Variants in STK33 observed in about 807,000 individuals in gnomAD.
The protein encoded by STK33 is serine/threonine-protein kinase 33.
A neutral mutation model predicts 58.0 loss-of-function variants in STK33; 52 were observed. That is an observed-to-expected ratio of 0.90 (90% CI 0.72 to 1.13). STK33 has a LOEUF of 1.13. STK33 is among the 50% of genes most tolerant of loss of function. The probability of loss-of-function intolerance (pLI) is 0.00; values close to 1 mark genes in which losing one functional copy is unlikely to be tolerated. For synonymous variants in STK33, 215 were observed against 200.1 expected, an observed-to-expected ratio of 1.07 and a Z score of -0.63; for missense variants, 630 against 604.2, an observed-to-expected ratio of 1.04 and a Z score of -0.45.
At chr11:8,563,251 T>C (rs907694286) in intron 1 of STK33, among the ~76,000 whole-genome samples, 18 of 152,104 alleles carry the variant, frequency 1.2e-4, no homozygotes, top group Admixed American at 7.9e-4. Context: ...AAGTTAGCTG[T>C]TGGAGTAAAC....
chr11:8,562,384 G>A (rs1044125248), intron 1 of STK33, among the ~76,000 whole-genome samples: 5 of 151,806 alleles, frequency 3.3e-5, no homozygotes, highest in African/African-American at 4.8e-5. Flanking sequence ...TTGAGATATT[G>A]CACTGGCTTC....
intron 11 of STK33, among the ~76,000 whole-genome samples, chr11:8,452,530 C>T (rs1946406581): frequency 6.6e-6 from 1 of 152,034 alleles, no homozygotes; most frequent in South Asian, 2.1e-4. Context: ...GCCTGTAATC[C>T]CAACACTTGG....
intron 11 of STK33, among the ~76,000 whole-genome samples, chr11:8,443,272 G>C (rs1944996274): frequency 6.6e-6 from 1 of 152,068 alleles, no homozygotes; most frequent in Non-Finnish European, 1.5e-5. Context: ...AGCACACACA[G>C]AAATTTTTAT....
At chr11:8,416,580 T>C (rs1295072261) in intron 14 of STK33, among the ~76,000 whole-genome samples, 1 of 152,188 alleles carries the variant, frequency 6.6e-6, no homozygotes, top group African/African-American at 2.4e-5. Flanking sequence ...TGTCCCACAC[T>C]ACTGTACAAA....
intron 1 of STK33, among the ~76,000 whole-genome samples, chr11:8,560,352 G>A (rs1012151893): frequency 2.6e-5 from 4 of 151,930 alleles, no homozygotes; most frequent in African/African-American, 7.2e-5. Context: ...TTATAAATGA[G>A]GCTAAGTATT....
intron 1 of STK33, among the ~76,000 whole-genome samples, chr11:8,566,765 T>C (rs1042172197): frequency 4.6e-5 from 7 of 152,216 alleles, no homozygotes; most frequent in African/African-American, 9.6e-5. Flanking sequence ...GCAGCAAATA[T>C]TTATATTGCC....
At chr11:8,427,915 T>C (rs1942964310) in intron 14 of STK33, among the ~76,000 whole-genome samples, 1 of 152,242 alleles carries the variant, frequency 6.6e-6, no homozygotes, top group African/African-American at 2.4e-5. Context: ...TGTTTGAAAC[T>C]TGGCCCCTAA....
At chr11:8,462,354 T>C (rs1341888446) in intron 7 of STK33, among the ~76,000 whole-genome samples, 1 of 151,330 alleles carries the variant, frequency 6.6e-6, no homozygotes, top group Non-Finnish European at 1.5e-5. Flanking sequence ...AAAAAGTTTT[T>C]CTTTGTTTTG....
chr11:8,379,042 G>T, the STK33 span, among the ~76,000 whole-genome samples: 8 of 152,126 alleles, frequency 5.3e-5, no homozygotes, highest in Non-Finnish European at 8.8e-5. Flanking sequence ...ATAAATTGGG[G>T]AAAGGAGACC....
intron 1 of STK33, among the ~76,000 whole-genome samples, chr11:8,523,823 C>A (rs955098474): frequency 6.6e-6 from 1 of 152,218 alleles, no homozygotes; most frequent in Non-Finnish European, 1.5e-5. Flanking sequence ...GAGGTGTACC[C>A]AACAGCTCAT....
chr11:8,575,511 G>A (rs999876228), intron 1 of STK33, among the ~76,000 whole-genome samples: 2 of 152,122 alleles, frequency 1.3e-5, no homozygotes, highest in African/African-American at 4.8e-5. Context: ...GACAAATATT[G>A]TATAATTCTA....
intron 1 of STK33, among the ~76,000 whole-genome samples, chr11:8,572,034 A>AAT (rs1957857985): frequency 6.9e-6 from 1 of 145,900 alleles, no homozygotes; most frequent in Admixed American, 6.7e-5. Context: ...AATTTTAAAA[A>AAT]ATAAATTAAT....
chr11:8,579,984 G>A lies in STK33; in HGVS notation c.-466+14099C>T, dbSNP rs188388367. Reference sequence around the variant, plus strand: ...GGCAATAACAAATGCTAGAGGAGATGTGGAGAAAAGGGAACCTTCATACAC... The same window carrying A: ...GGCAATAACAAATGCTAGAGGAGATATGGAGAAAAGGGAACCTTCATACAC... On this transcript the variant is annotated intron_variant, in intron 1 of 15. Coordinates refer to ENST00000687296, the MANE Select transcript of STK33 (RefSeq NM_001352389.2). 4.2e-3 allele frequency among the ~76,000 whole-genome samples: 646 copies of A among 152,278 alleles called. 3 individuals carry two copies. The highest frequency in any genetic ancestry group is 0.015 in the African/African-American group (616 of 41,562).
intron 1 of STK33, among the ~76,000 whole-genome samples, chr11:8,497,870 T>C (rs144879706): frequency 6.6e-6 from 1 of 152,288 alleles, no homozygotes; most frequent in East Asian, 1.9e-4. Flanking sequence ...AGGTCAGTAC[T>C]ACAGTGATAC....
intron 1 of STK33, among the ~76,000 whole-genome samples, chr11:8,501,680 C>T (rs1473067626): frequency 2.0e-5 from 3 of 152,144 alleles, no homozygotes; most frequent in African/African-American, 4.8e-5. Flanking sequence ...TCCAGCAATT[C>T]TACTCTTAGA....
intron 15 of STK33, among the ~76,000 whole-genome samples, chr11:8,412,211 T>G (rs1940375251): frequency 6.6e-6 from 1 of 152,148 alleles, no homozygotes; most frequent in Admixed American, 6.5e-5. Flanking sequence ...AAATGCCAAG[T>G]CAGCCAACAA....
chr11:8,542,292 T>C (rs1464517978), intron 1 of STK33, among the ~76,000 whole-genome samples: 1 of 152,210 alleles, frequency 6.6e-6, no homozygotes, highest in African/African-American at 2.4e-5. Flanking sequence ...AATTTTCAGA[T>C]AGGGCACTGA....
chr11:8,340,688 T>C, the STK33 span, among the ~76,000 whole-genome samples: 1 of 152,098 alleles, frequency 6.6e-6, no homozygotes, highest in East Asian at 1.9e-4. Flanking sequence ...ACCAGCCTGA[T>C]CCCCATCTGA....
intron 5 of STK33, among the ~76,000 whole-genome samples, chr11:8,474,150 G>T (rs10743072): frequency 0.45 from 67,882 of 151,338 alleles, 15,599 homozygotes; most frequent in Non-Finnish European, 0.5. Context: ...ACTCCAGCCA[G>T]GGCAACAAGA....
Sources: gnomAD v4.1 joint callset for allele counts (sites outside exome capture counted in the v4.1 genomes callset) on GRCh38, gnomAD v4.1.1 for gene constraint, MANE v1.5 for transcripts, NCBI Gene and HGNC (gene_info 2026-07-23, HGNC 2026-07-21) for gene names.